Variants in CTNNA3 observed in about 807,000 individuals in gnomAD.
The protein encoded by CTNNA3 is catenin alpha-3.
CTNNA3 carries 76 observed loss-of-function variants against 95.7 expected under a neutral mutation model. The observed-to-expected ratio is 0.79, with a 90% CI of 0.66 to 0.96. The LOEUF (loss-of-function observed/expected upper bound fraction) is 0.96. Among genes scored for constraint, CTNNA3 ranks in the 40% least tolerant of loss-of-function variants. CTNNA3 has a pLI of 0.00. For synonymous variants in CTNNA3, 431 were observed against 374.4 expected (o/e 1.15, Z -1.74); for missense variants, 1,191 against 1,089.8 (o/e 1.09, Z -1.31).
chr10:66,514,588 C>A (rs976728679), intron 11 of CTNNA3, among the ~76,000 whole-genome samples: 1 of 152,048 alleles, frequency 6.6e-6, no homozygotes, highest in African/African-American at 2.4e-5. Context: ...TTCCACCAAT[C>A]CTCATTTGAT....
In CTNNA3 at chr10:65,943,453, G is replaced by T. The variant is rs115830747; in HGVS notation, c.2401-22836C>A. Among the ~76,000 whole-genome samples the T allele has an allele frequency of 7.8e-3, 1,191 of 152,256 alleles. 16 individuals carry two copies. The highest frequency in any genetic ancestry group is 0.027 in the African/African-American group (1,129 of 41,548). The stretch of plus-strand genomic sequence containing the variant: ...ATATTACTGCTAGGATTCTCTAAAA[G>T]AAGTAATATTATTTTATGAAGTGAC... On this transcript the variant is annotated intron_variant, in intron 17 of 17. Transcript: ENST00000433211.
chr10:66,121,219 A>G (rs1320712298), intron 13 of CTNNA3, among the ~76,000 whole-genome samples: 2 of 152,168 alleles, frequency 1.3e-5, no homozygotes, highest in African/African-American at 4.8e-5. Flanking sequence ...AATTATGTCA[A>G]GTTTCTTCAC....
At chr10:66,011,045 T>G (rs1402729809) in intron 15 of CTNNA3, among the ~76,000 whole-genome samples, 1 of 152,198 alleles carries the variant, frequency 6.6e-6, no homozygotes, top group Non-Finnish European at 1.5e-5. Flanking sequence ...GACACCTCAT[T>G]CTGGCTAATC....
chr10:67,329,181 G>A (rs1317191421), intron 5 of CTNNA3, among the ~76,000 whole-genome samples: 4 of 152,112 alleles, frequency 2.6e-5, no homozygotes, highest in South Asian at 2.1e-4. Flanking sequence ...AGACCAGCCC[G>A]GACAACATGG....
In CTNNA3 at chr10:66,328,911, C is replaced by CATATATATATATATATATATATATATAT. The variant is rs1554935009; in HGVS notation, c.1733-48291_1733-48290insATATATATATATATATATATATATATAT. ...ACACATACACACACACACATATATA[C>CATATATATATATATATATATATATATAT]ATATATATATATATATATATATACA... On this transcript the variant is annotated intron_variant, in intron 12 of 17. Transcript: ENST00000433211. Among the ~76,000 whole-genome samples, 165 of 86,312 alleles carry CATATATATATATATATATATATATATAT rather than the reference C, an allele frequency of 1.9e-3. 1 individual carries two copies. Among genetic ancestry groups the CATATATATATATATATATATATATATAT allele is most frequent in the Non-Finnish European group, 2.7e-3 (108 of 40,122 alleles). The allele number at this position is 86,312 out of a possible 152,430, so 56.6% of individuals were successfully genotyped here. A position where few individuals can be genotyped will look rare whatever the true frequency, so the allele number is the denominator to read the frequency against.
intron 3 of CTNNA3, among the ~76,000 whole-genome samples, chr10:67,580,235 A>G (rs973176682): frequency 2.0e-4 from 31 of 152,300 alleles, no homozygotes; most frequent in Admixed American, 1.6e-3. Flanking sequence ...TTTTTGTATA[A>G]GGTGTAAGGA....
intron 5 of CTNNA3, among the ~76,000 whole-genome samples, chr10:67,390,119 A>G (rs1844392179): frequency 6.6e-6 from 1 of 152,328 alleles, no homozygotes; most frequent in East Asian, 1.9e-4. Flanking sequence ...TGAATCCAGG[A>G]GCTGGTTTTT....
At chr10:65,965,900 A>G (rs938306159) in intron 17 of CTNNA3, among the ~76,000 whole-genome samples, 1 of 152,276 alleles carries the variant, frequency 6.6e-6, no homozygotes, top group Middle Eastern at 3.4e-3. Flanking sequence ...ATTTAAACTT[A>G]AATTTATAAT....
At chr10:67,402,200 A>G (rs1171765862) in intron 5 of CTNNA3, among the ~76,000 whole-genome samples, 3 of 152,246 alleles carry the variant, frequency 2.0e-5, no homozygotes, top group Non-Finnish European at 2.9e-5. Flanking sequence ...GCAATCCAGT[A>G]AAATGATTCA....
Position 66,927,095 on chromosome 10 carries a change from C to T in CTNNA3, c.1048-151571G>A, listed in dbSNP as rs1475952195. ...TTACAGGAGATACCCTCAAGTATAT[C>T]TGCTGGTTGCTTAGGTTTGTCCCTT... On this transcript the variant is annotated intron_variant, in intron 7 of 17. Transcript: ENST00000433211. This position sits in a 1 kb window ranked among gnomAD's most constrained non-coding sequence, Gnocchi z 4.7. 6.2e-7 allele frequency: 1 copy of T among 1,614,038 alleles called. No homozygotes were observed. Among genetic ancestry groups the T allele is most frequent in the African/African-American group, 1.3e-5 (1 of 74,940 alleles).
chr10:67,109,347 C>T (rs1160187125), intron 7 of CTNNA3, among the ~76,000 whole-genome samples: 1 of 152,158 alleles, frequency 6.6e-6, no homozygotes, highest in African/African-American at 2.4e-5. Flanking sequence ...TGACTTTTTG[C>T]TTCTTTAAAT....
intron 5 of CTNNA3, among the ~76,000 whole-genome samples, chr10:67,251,229 C>T (rs906856742): frequency 1.3e-5 from 2 of 152,126 alleles, no homozygotes; most frequent in Admixed American, 6.5e-5. Context: ...AGAAGCCAAT[C>T]ACAAAAGGCC....
At chr10:66,081,756 G>C (rs111563331) in intron 14 of CTNNA3, among the ~76,000 whole-genome samples, 3 of 152,114 alleles carry the variant, frequency 2.0e-5, no homozygotes, top group Admixed American at 6.6e-5. Context: ...CTTTGGCAAG[G>C]TTCATTGATG....
At chr10:66,873,643 A>G (rs1224346280) in intron 7 of CTNNA3, among the ~76,000 whole-genome samples, 1 of 152,122 alleles carries the variant, frequency 6.6e-6, no homozygotes, top group Non-Finnish European at 1.5e-5. Context: ...AAATTCAACA[A>G]AAATAAGCAA....
intron 13 of CTNNA3, among the ~76,000 whole-genome samples, chr10:66,124,773 A>C (rs1462615829): frequency 6.6e-6 from 1 of 152,120 alleles, no homozygotes; most frequent in Non-Finnish European, 1.5e-5. Context: ...CCTCTTTTTA[A>C]AACCATCAGA....
intron 7 of CTNNA3, among the ~76,000 whole-genome samples, chr10:67,074,249 C>T (rs2131857316): frequency 6.7e-6 from 1 of 149,436 alleles, no homozygotes; most frequent in East Asian, 2.0e-4. Flanking sequence ...CCAGGATGGT[C>T]TTGATCTCTC....
chr10:66,008,618 A>G (rs1321986214), intron 15 of CTNNA3, among the ~76,000 whole-genome samples: 1 of 152,150 alleles, frequency 6.6e-6, no homozygotes, highest in Non-Finnish European at 1.5e-5. Context: ...ATGTTTCTTT[A>G]TGTTATACCT....
intron 7 of CTNNA3, among the ~76,000 whole-genome samples, chr10:66,975,372 G>A (rs762665478): frequency 2.0e-5 from 3 of 152,204 alleles, no homozygotes; most frequent in Non-Finnish European, 4.4e-5. Context: ...TTGTAGGTAA[G>A]GATGTACTTG....
intron 13 of CTNNA3, among the ~76,000 whole-genome samples, chr10:66,114,370 GTGTGTATATATGTGTGTATATATGTATA>G (rs2082235899): frequency 6.6e-6 from 1 of 150,384 alleles, no homozygotes; most frequent in South Asian, 2.1e-4. Context: ...ATATGTGTGT[GTGTGTATATATGTGTGTATATATGTATA>G]TGTGTATATA....
Sources: allele counts gnomAD v4.1 joint callset (sites outside exome capture counted in the v4.1 genomes callset), GRCh38; gene constraint gnomAD v4.1.1; non-coding constraint Gnocchi (gnomAD v3.1); transcripts MANE v1.5; gene names NCBI Gene and HGNC (gene_info 2026-07-23, HGNC 2026-07-21).